ASTN1: variants seen among roughly 807,000 people sequenced by gnomAD.
ASTN1 encodes astrotactin 1, also known as astrotactin-1.
Under a neutral mutation model 140.7 loss-of-function variants are expected in ASTN1, and 41 were observed. The ratio of observed to expected loss-of-function variants is 0.29; its 90% confidence interval spans 0.23 to 0.38. The LOEUF is 0.38. Ranked by LOEUF, ASTN1 falls within the 10% of genes least tolerant of loss-of-function variation. ASTN1 has a pLI of 1.00. For missense variants in ASTN1, 1,479 were observed against 1,678.8 expected (o/e 0.88, Z 2.08); for synonymous variants, 640 against 652.2 (o/e 0.98, Z 0.29).
chr1:176,928,709 C>A (rs903499317), intron 16 of ASTN1, among the ~76,000 whole-genome samples: 11 of 152,108 alleles, frequency 7.2e-5, no homozygotes, highest in African/African-American at 2.7e-4. Context: ...AGTCCTGGAC[C>A]CATGTTGGGG....
At chr1:177,081,822 T>C (rs2102077680) in intron 1 of ASTN1, among the ~76,000 whole-genome samples, 1 of 152,304 alleles carries the variant, frequency 6.6e-6, no homozygotes, top group Admixed American at 6.5e-5. Context: ...TTTAGAAAGA[T>C]GGCTGAATAA....
intron 2 of ASTN1, among the ~76,000 whole-genome samples, chr1:177,055,921 T>C (rs1677779698): frequency 6.6e-6 from 1 of 152,204 alleles, no homozygotes; most frequent in South Asian, 2.1e-4. Flanking sequence ...CTCTCTCCTG[T>C]GCCCACAGAC....
chr1:176,877,159 G>A (rs778428640), intron 20 of ASTN1, among the ~76,000 whole-genome samples: 2 of 152,226 alleles, frequency 1.3e-5, no homozygotes, highest in African/African-American at 4.8e-5. Flanking sequence ...GTGAAATGGA[G>A]ATGATAATAA....
intron 1 of ASTN1, among the ~76,000 whole-genome samples, chr1:177,160,902 G>A (rs1037574285): frequency 5.3e-5 from 8 of 152,178 alleles, no homozygotes; most frequent in Non-Finnish European, 1.0e-4. Flanking sequence ...TAAGTACTAC[G>A]AAGAAGTATA....
chr1:176,947,752 C>T (rs1347848818), intron 12 of ASTN1, among the ~76,000 whole-genome samples: 1 of 152,182 alleles, frequency 6.6e-6, no homozygotes, highest in African/African-American at 2.4e-5. Flanking sequence ...TTTCACACTG[C>T]CTCATCTTCC....
chr1:177,031,093 G>C, intron 3 of ASTN1, 141 bp from the exon 4 acceptor site: 1 of 924,726 alleles, frequency 1.1e-6, no homozygotes, highest in Admixed American at 3.1e-5. Context: ...CTGGCTGCAA[G>C]AAACTGAAAT....
intron 14 of ASTN1, among the ~76,000 whole-genome samples, chr1:176,943,526 C>A (rs1369306788): frequency 1.3e-5 from 2 of 152,128 alleles, no homozygotes; most frequent in Non-Finnish European, 2.9e-5. Context: ...CCAACAGTAG[C>A]AATGATGGAT....
chr1:176,908,927 G>A (rs987159906), intron 16 of ASTN1, among the ~76,000 whole-genome samples: 2 of 152,198 alleles, frequency 1.3e-5, no homozygotes, highest in African/African-American at 4.8e-5. Flanking sequence ...TAGGCTTCAC[G>A]TCTGCAAGAA....
rs1001386894 is a variant in ASTN1, at chr1:176,862,097, T to A, written c.*2187A>T. 2 of 985,458 alleles carry A rather than the reference T, an allele frequency of 2.0e-6. 1 individual carries two copies. 61.0% of individuals were successfully genotyped at this position (985,458 alleles called of 1,614,324 possible). On this transcript the variant is annotated 3_prime_UTR_variant, in exon 23 of 23. Coordinates refer to ENST00000361833, the MANE Select transcript of ASTN1 (RefSeq NM_004319.3). ...AAGAGATGCTCTGGGCCCTGTCTGA[T>A]TGGCCTGTCACATCTTCTCTGGCAA...
intron 16 of ASTN1, among the ~76,000 whole-genome samples, chr1:176,927,404 G>A (rs1301290584): frequency 2.0e-5 from 3 of 152,024 alleles, no homozygotes; most frequent in Non-Finnish European, 4.4e-5. Context: ...TATTGGAAAA[G>A]GAAGGGAAGA....
At chr1:177,049,230 C>T (rs1344248269) in intron 2 of ASTN1, among the ~76,000 whole-genome samples, 1 of 152,204 alleles carries the variant, frequency 6.6e-6, no homozygotes, top group Non-Finnish European at 1.5e-5. Flanking sequence ...AGGCACAGGA[C>T]ATAGCCCACC....
chr1:177,141,814 C>T (rs1007263081), intron 1 of ASTN1, among the ~76,000 whole-genome samples: 2 of 152,176 alleles, frequency 1.3e-5, no homozygotes, highest in Non-Finnish European at 2.9e-5. Context: ...CTACTCAACT[C>T]CAACAATAAG....
chr1:176,900,452 T>TTCTC (rs142309530), intron 16 of ASTN1, among the ~76,000 whole-genome samples: 1 of 150,446 alleles, frequency 6.6e-6, no homozygotes, highest in Non-Finnish European at 1.5e-5. Flanking sequence ...GCTGGTGTGT[T>TTCTC]TCTCTCTCTC....
chr1:177,134,851 A>G (rs1426532219), intron 1 of ASTN1, among the ~76,000 whole-genome samples: 4 of 152,198 alleles, frequency 2.6e-5, no homozygotes, highest in African/African-American at 9.6e-5. Flanking sequence ...GAAATGCCTT[A>G]GGAATTCCCA....
At chr1:176,987,634 A>G (rs1673965151) in intron 8 of ASTN1, among the ~76,000 whole-genome samples, 1 of 152,166 alleles carries the variant, frequency 6.6e-6, no homozygotes, top group Admixed American at 6.5e-5. Context: ...AGCTATGTGC[A>G]TTTCTTCTTC....
At chr1:176,947,563 A>G (rs1672010508) in intron 12 of ASTN1, among the ~76,000 whole-genome samples, 1 of 152,226 alleles carries the variant, frequency 6.6e-6, no homozygotes, top group African/African-American at 2.4e-5. Flanking sequence ...GTCCTACTAC[A>G]TTAGTCCAGG....
chr1:177,084,139 C>T (rs1679312361), intron 1 of ASTN1, among the ~76,000 whole-genome samples: 1 of 152,172 alleles, frequency 6.6e-6, no homozygotes, highest in African/African-American at 2.4e-5. Context: ...AGTGCTGCTC[C>T]AGCTCCCTAC....
At chr1:176,877,416 ACT>A (rs934963461) in intron 20 of ASTN1, among the ~76,000 whole-genome samples, 1 of 151,840 alleles carries the variant, frequency 6.6e-6, no homozygotes, top group Non-Finnish European at 1.5e-5. Context: ...CATACAGCTC[ACT>A]CTGTTCCTCT....
chr1:176,882,959 C>T lies in ASTN1; in HGVS notation c.3262G>A (p.Gly1088Arg). 6.2e-7 allele frequency: 1 copy of T among 1,614,086 alleles called. No individual in the cohort carries two copies. The highest frequency in any genetic ancestry group is 1.7e-5 in the Admixed American group (1 of 60,022). Residue 1088 changes from glycine (G) to arginine (R), a missense_variant, in exon 20 of 23, where the codon GGA (glycine) becomes AGA (arginine). By Grantham distance (125) the Gly-to-Arg change is moderately radical. This residue lies in a region of ASTN1 where 746 missense variants were observed against 800.9 expected (regional missense o/e 0.93). Transcript: ENST00000361833. ...VLSFVDDIIS[G>R]AKSPCAMPSQ... ...GGCATTGCACAAGGAGACTTTGCTCCAGAGATGATGTCGTCCACAAAGCTC... is the reference window on the plus strand; with the variant it reads ...GGCATTGCACAAGGAGACTTTGCTCTAGAGATGATGTCGTCCACAAAGCTC...
Sources: allele counts gnomAD v4.1 joint callset (sites outside exome capture counted in the v4.1 genomes callset), GRCh38; gene constraint gnomAD v4.1.1; regional missense constraint gnomAD v4.1.1; transcripts MANE v1.5; gene names NCBI Gene and HGNC (gene_info 2026-07-23, HGNC 2026-07-21).